Variants in CACNA1B observed in about 807,000 individuals in gnomAD.
CACNA1B encodes the protein calcium voltage-gated channel subunit alpha1 B, also known as voltage-dependent N-type calcium channel subunit alpha-1B.
A neutral mutation model predicts 247.2 loss-of-function variants in CACNA1B; 70 were observed. The ratio of observed to expected loss-of-function variants is 0.28; its 90% CI spans 0.23 to 0.35. CACNA1B has a LOEUF of 0.35. Ranked by LOEUF, CACNA1B falls within the 10% of genes least tolerant of loss-of-function variation. The pLI is 1.00. For missense variants in CACNA1B, 2,367 were observed against 3,197.4 expected (o/e 0.74, Z 6.26); for synonymous variants, 1,231 against 1,294.4 (o/e 0.95, Z 1.05).
chr9:138,002,202 A>G (rs747021164), intron 15 of CACNA1B, among the ~76,000 whole-genome samples: 105 of 152,350 alleles, frequency 6.9e-4, no homozygotes, highest in Non-Finnish European at 1.1e-3. Flanking sequence ...GAACCTGGAA[A>G]CATTCCAAAC....
At chr9:138,017,884 G>A (rs1748105434) in intron 18 of CACNA1B, among the ~76,000 whole-genome samples, 1 of 152,208 alleles carries the variant, frequency 6.6e-6, no homozygotes, top group South Asian at 2.1e-4. Context: ...CAGGTGAGGG[G>A]TCCCTGAAGT....
intron 20 of CACNA1B, 111 bp from the exon 21 acceptor site, chr9:138,043,663 G>A: frequency 8.2e-7 from 1 of 1,215,884 alleles, no homozygotes; most frequent in Non-Finnish European, 1.2e-6. Context: ...TCCCTGGTGG[G>A]CCTGTGAGGA....
chr9:138,117,292 G>GA (rs56726000), intron 42 of CACNA1B, among the ~76,000 whole-genome samples: 11,077 of 152,020 alleles, frequency 0.073, 484 homozygotes, highest in East Asian at 0.17. Flanking sequence ...CTTGGGGGGG[G>GA]GGTCAGAGAA....
In CACNA1B at chr9:138,023,834, T is replaced by A. The variant is rs201765274; in HGVS notation, c.3068+23T>A. ...CCGGTGAGTCCGCGGCTGGGCGGGGTCAGGGAGGGAAGGGTTGGCCGGGGC... is the reference window on the plus strand; with the variant it reads ...CCGGTGAGTCCGCGGCTGGGCGGGGACAGGGAGGGAAGGGTTGGCCGGGGC... On this transcript the variant is annotated intron_variant, in intron 19 of 46. Transcript: ENST00000371372. 1.6e-3 allele frequency: 1,898 copies of A among 1,189,306 alleles called. 18 individuals carry two copies. In the African/African-American group the frequency reaches 0.025, roughly 16 times the overall value. 73.7% of individuals were successfully genotyped at this position (1,189,306 alleles called of 1,614,324 possible).
intron 26 of CACNA1B, among the ~76,000 whole-genome samples, chr9:138,056,161 A>G (rs1250002723): frequency 6.6e-6 from 1 of 152,258 alleles, no homozygotes; most frequent in Non-Finnish European, 1.5e-5. Context: ...ACATGCAAGC[A>G]TCGCCACAGT....
At position 138,114,304 on chromosome 9, in the gene CACNA1B, C is replaced by T; in HGVS notation, c.5537-74C>T. ...CGAGGGAGGGGCGGCTGTTTCCTCA[C>T]CTTACTTCCATACCTTGTTTCCGTG... On this transcript the variant is annotated intron_variant, in intron 40 of 46. Coordinates refer to ENST00000371372, the MANE Select transcript of CACNA1B (RefSeq NM_000718.4). 3.9e-6 allele frequency: 3 copies of T among 770,040 alleles called. No homozygotes were observed. The South Asian group carries it at 4.6e-5, about 12-fold the overall frequency. The allele number at this position is 770,040 out of a possible 1,614,324, so 47.7% of individuals were successfully genotyped here.
chr9:137,969,784 A>C (rs1408017750), intron 10 of CACNA1B, among the ~76,000 whole-genome samples: 1 of 152,130 alleles, frequency 6.6e-6, no homozygotes, highest in Non-Finnish European at 1.5e-5. Flanking sequence ...GTGTGGGTGC[A>C]TGGGGGGTTC....
intron 16 of CACNA1B, among the ~76,000 whole-genome samples, chr9:138,008,721 G>A (rs1416048459): frequency 6.6e-6 from 1 of 152,228 alleles, no homozygotes; most frequent in African/African-American, 2.4e-5. Flanking sequence ...GGTGAAACGG[G>A]CTGGATCACG....
intron 36 of CACNA1B, among the ~76,000 whole-genome samples, chr9:138,079,803 A>G (rs1960461451): frequency 7.2e-6 from 1 of 138,646 alleles, no homozygotes; most frequent in Admixed American, 7.7e-5. Flanking sequence ...AGAACCCGGG[A>G]GGTGGAGGTT....
chr9:137,894,530 TC>T (rs2133249253), intron 3 of CACNA1B, among the ~76,000 whole-genome samples: 1 of 152,134 alleles, frequency 6.6e-6, no homozygotes, highest in East Asian at 1.9e-4. Context: ...TGCCTCAGCC[TC>T]CCGAGTAGCT....
chr9:138,058,281 G>C lies in CACNA1B; in HGVS notation c.4308+31G>C, dbSNP rs1020055682. The stretch of plus-strand genomic sequence containing the variant: ...TGGACGCTCTGTGGAGTCTTGCAGT[G>C]GACAGCGTGGGCAGCGCCATCAGGC... On this transcript the variant is annotated intron_variant, in intron 28 of 46. Transcript: ENST00000371372. The surrounding 1 kb of genome is among the most constrained non-coding windows in gnomAD (Gnocchi z 4.7). 5 of 1,544,914 alleles carry C rather than the reference G, an allele frequency of 3.2e-6. No individual in the cohort carries two copies. In the African/African-American group the frequency reaches 5.5e-5, roughly 17 times the overall value.
Position 137,912,263 on chromosome 9 carries a change from C to T in CACNA1B, c.531-917C>T, listed in dbSNP as rs557250739. Among the ~76,000 whole-genome samples, 4 of 152,286 alleles carry T rather than the reference C, an allele frequency of 2.6e-5. No homozygotes were observed. In the East Asian group the frequency reaches 5.8e-4, roughly 22 times the overall value. On this transcript the variant is annotated intron_variant, in intron 3 of 46. Transcript: ENST00000371372. ...CATGGAATGAGCCTTGGGGCACCCTCGTTTTGAATCTCTGGCAGAGAAGGC... is the reference window on the plus strand; with the variant it reads ...CATGGAATGAGCCTTGGGGCACCCTTGTTTTGAATCTCTGGCAGAGAAGGC...
chr9:137,966,421 G>T lies in CACNA1B; in HGVS notation c.1334-4962G>T, dbSNP rs535272817. Among the ~76,000 whole-genome samples, 3 of 151,548 alleles carry T rather than the reference G, an allele frequency of 2.0e-5. No homozygotes were observed. In the South Asian group the frequency reaches 6.3e-4, roughly 32 times the overall value. On this transcript the variant is annotated intron_variant, in intron 10 of 46. Transcript: ENST00000371372. ...TTGCATTTTGTTTAGCAGAGACTGGGTTTCACCGTGTTAGCCAGGATGGTC... is the reference window on the plus strand; with the variant it reads ...TTGCATTTTGTTTAGCAGAGACTGGTTTTCACCGTGTTAGCCAGGATGGTC...
Position 138,057,515 on chromosome 9 carries a change from C to T in CACNA1B, c.3969-217C>T, listed in dbSNP as rs1959555782. ...CTCTAAGTGTTTTATAGTTTTAGCTCCTTACACTTAGGTCTGGAATCCATC... is the reference window on the plus strand; with the variant it reads ...CTCTAAGTGTTTTATAGTTTTAGCTTCTTACACTTAGGTCTGGAATCCATC... On this transcript the variant is annotated intron_variant, in intron 26 of 46. Coordinates refer to ENST00000371372, the MANE Select transcript of CACNA1B (RefSeq NM_000718.4). This position sits in a 1 kb window ranked among gnomAD's most constrained non-coding sequence, Gnocchi z 4.0. 6.6e-6 allele frequency among the ~76,000 whole-genome samples: 1 copy of T among 152,108 alleles called. No individual in the cohort carries two copies. The highest frequency in any genetic ancestry group is 2.4e-5 in the African/African-American group (1 of 41,412).
intron 44 of CACNA1B, among the ~76,000 whole-genome samples, chr9:138,119,650 C>T (rs555518706): frequency 8.5e-5 from 13 of 152,186 alleles, no homozygotes; most frequent in African/African-American, 1.4e-4. Flanking sequence ...TCTCTTTCCC[C>T]GCCCAGTGGT....
intron 3 of CACNA1B, among the ~76,000 whole-genome samples, chr9:137,908,906 T>C (rs1176832304): frequency 6.6e-6 from 1 of 152,064 alleles, no homozygotes; most frequent in Non-Finnish European, 1.5e-5. Flanking sequence ...GCTGGGATTA[T>C]GGGCGTGAGC....
At chr9:137,949,128 G>GTCCTT (rs1957840295) in intron 6 of CACNA1B, among the ~76,000 whole-genome samples, 1 of 766 alleles carries the variant, frequency 1.3e-3, no homozygotes, top group African/African-American at 5.4e-3. Flanking sequence ...TCCAGTGTGT[G>GTCCTT]TGTGTGTGGT....
rs1265176530 is a variant in CACNA1B, at chr9:138,005,991, C to T, written c.1975-776C>T. Among the ~76,000 whole-genome samples, 12 of 144,384 alleles carry T rather than the reference C, an allele frequency of 8.3e-5. No homozygotes were observed. The South Asian group carries it at 8.7e-4, about 11-fold the overall frequency. 94.7% of individuals were successfully genotyped at this position (144,384 alleles called of 152,430 possible). A position where few individuals can be genotyped will look rare whatever the true frequency, so the allele number is the denominator to read the frequency against. The stretch of plus-strand genomic sequence containing the variant: ...CTGGGAGACGGAGCTTGCAGTGAGC[C>T]GAGATTGCACCACTGCACTCCAGCC... On this transcript the variant is annotated intron_variant, in intron 15 of 46. Transcript: ENST00000371372.
In CACNA1B at chr9:138,114,359, C is replaced by G; in HGVS notation, c.5537-19C>G. Reference sequence around the variant, plus strand: ...CTCTGCCCCCTTCTCCGAATCTCAACTCCTGTGTTCTTTTCCAGCTGATGA... The same window carrying G: ...CTCTGCCCCCTTCTCCGAATCTCAAGTCCTGTGTTCTTTTCCAGCTGATGA... On this transcript the variant is annotated intron_variant, in intron 40 of 46. Transcript: ENST00000371372. 7.7e-7 allele frequency: 1 copy of G among 1,290,918 alleles called. No individual in the cohort carries two copies. The highest frequency in any genetic ancestry group is 1.1e-6 in the Non-Finnish European group (1 of 898,502). The allele number at this position is 1,290,918 out of a possible 1,614,324, so 80.0% of individuals were successfully genotyped here. A position where few individuals can be genotyped will look rare whatever the true frequency, so the allele number is the denominator to read the frequency against.
Sources: allele counts gnomAD v4.1 joint callset (sites outside exome capture counted in the v4.1 genomes callset), GRCh38; gene constraint gnomAD v4.1.1; non-coding constraint Gnocchi (gnomAD v3.1); transcripts MANE v1.5; gene names NCBI Gene and HGNC (gene_info 2026-07-23, HGNC 2026-07-21).